MFHAS1: variants seen among roughly 807,000 people sequenced by gnomAD.
The protein encoded by MFHAS1 is multifunctional ROCO family signaling regulator 1, also known as malignant fibrous histiocytoma-amplified sequence 1.
A neutral mutation model predicts 70.4 loss-of-function variants in MFHAS1; 50 were observed. That is an observed-to-expected ratio of 0.71 (90% CI 0.57 to 0.90). The LOEUF is 0.90. MFHAS1 is among the 40% of genes least tolerant of loss of function. MFHAS1 has a pLI of 0.00. For synonymous variants in MFHAS1, 952 were observed against 620.0 expected, an observed-to-expected ratio of 1.54 and a Z score of -7.96; for missense variants, 1,795 against 1,347.6, an observed-to-expected ratio of 1.33 and a Z score of -5.20.
chr8:8,860,234 C>G (rs1563208223), intron 1 of MFHAS1, among the ~76,000 whole-genome samples: 2 of 152,286 alleles, frequency 1.3e-5, no homozygotes, highest in East Asian at 3.9e-4. Flanking sequence ...ACACGACAGC[C>G]CTTCTTGGGT....
Position 8,871,315 on chromosome 8 carries a change from C to T in MFHAS1, c.2998+18746G>A, listed in dbSNP as rs192994744. Among the ~76,000 whole-genome samples, 698 of 152,230 alleles carry T rather than the reference C, an allele frequency of 4.6e-3. 6 individuals carry two copies. The highest frequency in any genetic ancestry group is 0.016 in the African/African-American group (656 of 41,506). On this transcript the variant is annotated intron_variant, in intron 1 of 2. Transcript: ENST00000276282. ...CTGTAATCCCAGCACTCTGGGAGGC[C>T]GAGGGGGCTGGATCACTTGAGGTCG...
At chr8:8,859,860 C>G (rs1292692019) in intron 1 of MFHAS1, 1 of 152,112 alleles carries the variant, frequency 6.6e-6, no homozygotes, top group African/African-American at 2.4e-5. Flanking sequence ...GTCGGTGCCC[C>G]CAATGCCTGC....
At chr8:8,855,495 C>T (rs908442218) in intron 1 of MFHAS1, among the ~76,000 whole-genome samples, 1 of 152,222 alleles carries the variant, frequency 6.6e-6, no homozygotes, top group South Asian at 2.1e-4. Context: ...TGAAAATGAA[C>T]GTTATAGAAT....
intron 1 of MFHAS1, among the ~76,000 whole-genome samples, chr8:8,856,264 A>G (rs919996920): frequency 6.6e-6 from 1 of 152,350 alleles, no homozygotes; most frequent in East Asian, 1.9e-4. Context: ...TCAAGCCAGG[A>G]CAGTGCTGGA....
At chr8:8,836,303 C>T (rs1807591685) in intron 1 of MFHAS1, among the ~76,000 whole-genome samples, 1 of 152,180 alleles carries the variant, frequency 6.6e-6, no homozygotes, top group Non-Finnish European at 1.5e-5. Context: ...CTCAAAAAGT[C>T]TGCTTCTGTG....
rs1187170308 is a variant in MFHAS1 at position 8,893,246 on chromosome 8, C to T, written c.-188G>A. ...GGGGGCGGCGGCGACGCGAGCGGCT[C>T]CGGGGGACGCCGAGCGCGTGGAGAG... On this transcript the variant is annotated 5_prime_UTR_variant, in exon 1 of 3. Coordinates refer to ENST00000276282, the MANE Select transcript of MFHAS1 (RefSeq NM_004225.3). The T allele has an allele frequency of 6.1e-6, 1 of 163,894 alleles. No individual in the cohort carries two copies. The highest frequency in any genetic ancestry group is 1.3e-5 in the Non-Finnish European group (1 of 78,654). 10.2% of individuals were successfully genotyped at this position (163,894 alleles called of 1,614,324 possible).
At chr8:8,795,159 G>A (rs1805847750) in intron 2 of MFHAS1, among the ~76,000 whole-genome samples, 1 of 152,100 alleles carries the variant, frequency 6.6e-6, no homozygotes, top group Admixed American at 6.6e-5. Flanking sequence ...TTCATACCTT[G>A]CTGGTTCTGT....
chr8:8,809,157 G>A (rs1488966238), intron 1 of MFHAS1, among the ~76,000 whole-genome samples: 1 of 152,166 alleles, frequency 6.6e-6, no homozygotes, highest in African/African-American at 2.4e-5. Flanking sequence ...CCAGCTAGTT[G>A]CAGGAAAACA....
At position 8,891,115 on chromosome 8, in the gene MFHAS1, G is replaced by C; in HGVS notation, c.1944C>G (p.His648Gln). 6.2e-7 allele frequency: 1 copy of C among 1,613,880 alleles called. No individual in the cohort carries two copies. The highest frequency in any genetic ancestry group is 1.1e-5 in the South Asian group (1 of 91,086). ...TGTGTAAGTTGGGGAAGATCTCTCG[G>C]TGCTCAGCAACTGACAGCAACTTGT... Reference protein sequence around the residue: ...LRDKLLSVAEHREIFPNLHRV... With the variant: ...LRDKLLSVAEQREIFPNLHRV... The change falls in exon 1 of 3, where the codon CAC becomes CAG. Residue 648 changes from histidine (H) to glutamine (Q), a missense_variant. Coordinates refer to ENST00000276282, the MANE Select transcript of MFHAS1 (RefSeq NM_004225.3). The surrounding 1 kb of genome is among the most constrained non-coding windows in gnomAD (Gnocchi z 5.4).
At chr8:8,840,944 T>C (rs145108754) in intron 1 of MFHAS1, among the ~76,000 whole-genome samples, 131 of 152,342 alleles carry the variant, frequency 8.6e-4, no homozygotes, top group African/African-American at 3.0e-3. Flanking sequence ...TATTCTCATA[T>C]TGGATTTGTT....
At chr8:8,802,368 C>G (rs1251878852) in intron 1 of MFHAS1, among the ~76,000 whole-genome samples, 4 of 152,240 alleles carry the variant, frequency 2.6e-5, no homozygotes. Context: ...ATACTGAACA[C>G]TGTATCTGGC....
chr8:8,824,317 C>G lies in MFHAS1; in HGVS notation c.2999-26826G>C, dbSNP rs192933692. ...CTTAAGCATCTTAAGAAATACAGGACTGCCTCCCTCCAAGCACACAGGGTA... is the reference window on the plus strand; with the variant it reads ...CTTAAGCATCTTAAGAAATACAGGAGTGCCTCCCTCCAAGCACACAGGGTA... On this transcript the variant is annotated intron_variant, in intron 1 of 2. Transcript: ENST00000276282. Among the ~76,000 whole-genome samples the G allele has an allele frequency of 3.1e-3, 466 of 152,140 alleles. 4 individuals are homozygous for G. Among genetic ancestry groups the G allele is most frequent in the African/African-American group, 0.011 (443 of 41,514 alleles).
chr8:8,830,736 G>A (rs779249993), intron 1 of MFHAS1, among the ~76,000 whole-genome samples: 33 of 152,154 alleles, frequency 2.2e-4, no homozygotes, highest in Non-Finnish European at 7.4e-5. Flanking sequence ...CCGAGTAGCT[G>A]GGATTACAGC....
intron 2 of MFHAS1, 109 bp from the exon 3 acceptor site, chr8:8,786,164 T>C: frequency 2.9e-6 from 3 of 1,052,614 alleles, no homozygotes; most frequent in Non-Finnish European, 4.4e-6. Flanking sequence ...CTGCACATAT[T>C]TTCATTTCTA....
chr8:8,791,376 G>A (rs1351947236), intron 2 of MFHAS1, among the ~76,000 whole-genome samples: 2 of 152,082 alleles, frequency 1.3e-5, no homozygotes, highest in Non-Finnish European at 2.9e-5. Flanking sequence ...AATGCCTCAA[G>A]GTAAAACATT....
intron 1 of MFHAS1, among the ~76,000 whole-genome samples, chr8:8,868,660 C>A (rs1336977808): frequency 6.6e-6 from 1 of 152,088 alleles, no homozygotes; most frequent in African/African-American, 2.4e-5. Context: ...TGGCTTGGGC[C>A]CTCTCTAATG....
intron 1 of MFHAS1, among the ~76,000 whole-genome samples, chr8:8,807,165 C>T (rs1400149192): frequency 1.3e-5 from 2 of 152,088 alleles, no homozygotes; most frequent in Non-Finnish European, 2.9e-5. Flanking sequence ...CCCCAAACCA[C>T]AAGGGCAGGG....
In MFHAS1 at chr8:8,887,292, G is replaced by T. The variant is rs139398290; in HGVS notation, c.2998+2769C>A. On this transcript the variant is annotated intron_variant, in intron 1 of 2. Transcript: ENST00000276282. The stretch of plus-strand genomic sequence containing the variant: ...CAACATAATTCTGTTCCCACATTTA[G>T]CTTTTATTTCTAACTCATTATTTTA... Among the ~76,000 whole-genome samples the T allele has an allele frequency of 1.6e-4, 24 of 152,142 alleles. No individual in the cohort carries two copies. In the East Asian group the frequency reaches 4.2e-3, roughly 27 times the overall value.
intron 1 of MFHAS1, among the ~76,000 whole-genome samples, chr8:8,803,758 G>A (rs1298504003): frequency 6.6e-6 from 1 of 151,962 alleles, no homozygotes; most frequent in East Asian, 1.9e-4. Context: ...AATCACCTGA[G>A]GTCAGGAATT....
Sources: allele counts gnomAD v4.1 joint callset (sites outside exome capture counted in the v4.1 genomes callset), GRCh38; gene constraint gnomAD v4.1.1; non-coding constraint Gnocchi (gnomAD v3.1); transcripts MANE v1.5; gene names NCBI Gene and HGNC (gene_info 2026-07-23, HGNC 2026-07-21).